Variants in KCNQ1 observed in about 807,000 individuals in gnomAD.
KCNQ1 encodes potassium voltage-gated channel subfamily KQT member 1.
A neutral mutation model predicts 72.4 loss-of-function variants in KCNQ1; 49 were observed. The observed-to-expected ratio is 0.68, with a 90% CI of 0.54 to 0.86. The LOEUF is 0.86. Among genes scored for constraint, KCNQ1 ranks in the 40% least tolerant of loss-of-function variants. KCNQ1 has a pLI of 0.00. For synonymous variants in KCNQ1, 450 were observed against 412.6 expected (o/e 1.09, Z -1.10); for missense variants, 790 against 945.1 (o/e 0.84, Z 2.15).
At position 2,662,061 on chromosome 11, in the gene KCNQ1, A is replaced by G. The variant is rs2133856204; in HGVS notation, c.1494A>G (p.Thr498=). 7 of 1,614,168 alleles carry G rather than the reference A, an allele frequency of 4.3e-6. No homozygotes were observed. The highest frequency in any genetic ancestry group is 2.2e-5 in the East Asian group (1 of 44,874). ...DLDLEGETLL[T]PITHISQLRE... ...ACCTGGAAGGGGAGACTCTGCTGAC[A>G]CCCATCACCCACATCTCACAGTGAG... Residue 498 remains threonine (T), a synonymous_variant, in exon 11 of 16, where the codon ACA becomes ACG. Coordinates refer to ENST00000155840, the MANE Select transcript of KCNQ1 (RefSeq NM_000218.3).
At chr11:2,511,866 G>A (rs1010248647) in intron 1 of KCNQ1, among the ~76,000 whole-genome samples, 20 of 152,316 alleles carry the variant, frequency 1.3e-4, no homozygotes, top group African/African-American at 4.6e-4. Flanking sequence ...TGTGGAGCCC[G>A]GCCTGGCCTG....
At chr11:2,584,517 G>A (rs1437305337) in intron 7 of KCNQ1, among the ~76,000 whole-genome samples, 5 of 144,744 alleles carry the variant, frequency 3.5e-5, no homozygotes, top group African/African-American at 1.3e-4. Flanking sequence ...GTGTGTGTTT[G>A]TGTGTTAGTG....
In KCNQ1 at chr11:2,449,488, G is replaced by A. The variant is rs563105814; in HGVS notation, c.386+4004G>A. Among the ~76,000 whole-genome samples the A allele has an allele frequency of 8.5e-5, 13 of 152,326 alleles. 1 individual carries two copies. The South Asian group carries it at 1.4e-3, about 17-fold the overall frequency. ...GGGATGCTTTTGGGCCGGCCAGTGC[G>A]GGGTCAGGTGGTTGGAGCCAGGGAG... is the stretch of plus-strand genomic sequence containing the variant. On this transcript the variant is annotated intron_variant, in intron 1 of 15. Coordinates refer to ENST00000155840, the MANE Select transcript of KCNQ1 (RefSeq NM_000218.3).
chr11:2,498,178 C>T lies in KCNQ1; in HGVS notation c.387-29750C>T, dbSNP rs2133638669. Among the ~76,000 whole-genome samples, 1 of 152,314 alleles carries T rather than the reference C, an allele frequency of 6.6e-6. No individual in the cohort carries two copies. The highest frequency in any genetic ancestry group is 2.1e-4 in the South Asian group (1 of 4,824). On this transcript the variant is annotated intron_variant, in intron 1 of 15. Coordinates refer to ENST00000155840, the MANE Select transcript of KCNQ1 (RefSeq NM_000218.3). The surrounding 1 kb of genome is among the most constrained non-coding windows in gnomAD (Gnocchi z 4.8). ...GGACCCACTTGAGGAGGCAGTCTGTCCCTTAGCAGAGCTCATGCACTGTGC... is the reference window on the plus strand; with the variant it reads ...GGACCCACTTGAGGAGGCAGTCTGTTCCTTAGCAGAGCTCATGCACTGTGC...
chr11:2,666,822 G>A lies in KCNQ1; in HGVS notation c.1514+4741G>A, dbSNP rs1850079618. On this transcript the variant is annotated intron_variant, in intron 11 of 15. Coordinates refer to ENST00000155840, the MANE Select transcript of KCNQ1 (RefSeq NM_000218.3). The stretch of plus-strand genomic sequence containing the variant: ...AACTTTGGTGGGAAAGGACAGAAAG[G>A]ACATTCTGGGAACCAGTGTCCAGAA... 7.5e-6 allele frequency: 3 copies of A among 398,684 alleles called. No individual in the cohort carries two copies. The East Asian group carries it at 1.1e-4, about 14-fold the overall frequency. 24.7% of individuals were successfully genotyped at this position (398,684 alleles called of 1,614,324 possible).
At chr11:2,688,937 G>A in intron 11 of KCNQ1, 1 of 398,858 alleles carries the variant, frequency 2.5e-6, no homozygotes, top group Admixed American at 4.4e-5. Flanking sequence ...CTCACAGGCT[G>A]TCACCCACTG....
Position 2,481,970 on chromosome 11 carries a change from G to C in KCNQ1, c.386+36486G>C, listed in dbSNP as rs539006615. 9.7e-4 allele frequency among the ~76,000 whole-genome samples: 147 copies of C among 152,312 alleles called. No homozygotes were observed. Among genetic ancestry groups the C allele is most frequent in the African/African-American group, 3.5e-3 (144 of 41,568 alleles). On this transcript the variant is annotated intron_variant, in intron 1 of 15. Transcript: ENST00000155840. The surrounding 1 kb of genome is among the most constrained non-coding windows in gnomAD (Gnocchi z 4.6). ...CACACCACTGGTCTGTGGAAAAACT[G>C]TTTTCCATGAAACCAGTCACTGGTC...
intron 10 of KCNQ1, chr11:2,656,269 C>T: frequency 2.5e-6 from 1 of 398,660 alleles, no homozygotes. Context: ...GTACTTGAAT[C>T]TCAGCCCCAA....
intron 15 of KCNQ1, among the ~76,000 whole-genome samples, chr11:2,807,395 C>T (rs1001105578): frequency 6.6e-6 from 1 of 152,202 alleles, no homozygotes; most frequent in East Asian, 1.9e-4. Flanking sequence ...GGAGGGGACC[C>T]TCCATGGAGA....
rs1302971876 is a variant in KCNQ1, at chr11:2,507,019, C to A, written c.387-20909C>A. On this transcript the variant is annotated intron_variant, in intron 1 of 15. Coordinates refer to ENST00000155840, the MANE Select transcript of KCNQ1 (RefSeq NM_000218.3). This position sits in a 1 kb window ranked among gnomAD's most constrained non-coding sequence, Gnocchi z 5.4. Reference sequence around the variant, plus strand: ...AGCTGGTCACTTGTCTTTGACTTTGCTTATGGTGCTTTTTGCTATGAGAAA... The same window carrying A: ...AGCTGGTCACTTGTCTTTGACTTTGATTATGGTGCTTTTTGCTATGAGAAA... Among the ~76,000 whole-genome samples, 5 of 152,118 alleles carry A rather than the reference C, an allele frequency of 3.3e-5. No homozygotes were observed. The highest frequency in any genetic ancestry group is 3.3e-4 in the Admixed American group (5 of 15,276).
rs1023440958 is a variant in KCNQ1 at position 2,687,566 on chromosome 11, AC to A, written c.1514+25490del. ...GCACCTACCACAGCCCACTCTGATG[AC>A]CCCCTGTCAAGGAGGTGTGACTGAG... On this transcript the variant is annotated intron_variant, in intron 11 of 15. Coordinates refer to ENST00000155840, the MANE Select transcript of KCNQ1 (RefSeq NM_000218.3). The surrounding 1 kb of genome is among the most constrained non-coding windows in gnomAD (Gnocchi z 5.0). 20 of 398,318 alleles carry A rather than the reference AC, an allele frequency of 5.0e-5. No homozygotes were observed. The highest frequency in any genetic ancestry group is 3.7e-4 in the African/African-American group (18 of 48,574). The allele number at this position is 398,318 out of a possible 1,614,324, so 24.7% of individuals were successfully genotyped here.
chr11:2,550,784 G>A lies in KCNQ1; in HGVS notation c.478-19844G>A, dbSNP rs889707255. 7.9e-5 allele frequency among the ~76,000 whole-genome samples: 12 copies of A among 152,182 alleles called. No individual in the cohort carries two copies. Among genetic ancestry groups the A allele is most frequent in the South Asian group, 6.2e-4 (3 of 4,812 alleles). The stretch of plus-strand genomic sequence containing the variant: ...AGAGCGCAAATAGGGCTGGAGTCCC[G>A]AGTACAAGGCATGGACAGGAGCCAG... On this transcript the variant is annotated intron_variant, in intron 2 of 15. Coordinates refer to ENST00000155840, the MANE Select transcript of KCNQ1 (RefSeq NM_000218.3). This position sits in a 1 kb window ranked among gnomAD's most constrained non-coding sequence, Gnocchi z 6.0.
intron 10 of KCNQ1, among the ~76,000 whole-genome samples, chr11:2,591,570 G>A (rs964841054): frequency 9.8e-5 from 15 of 152,354 alleles, no homozygotes; most frequent in African/African-American, 3.1e-4. Context: ...GGGCGTGGCC[G>A]GGGGCTGGGG....
At position 2,690,890 on chromosome 11, in the gene KCNQ1, G is replaced by T. The variant is rs112187347; in HGVS notation, c.1514+28809G>T. The T allele has an allele frequency of 2.5e-6, 1 of 398,458 alleles. No homozygotes were observed. The highest frequency in any genetic ancestry group is 2.1e-5 in the African/African-American group (1 of 48,586). The allele number at this position is 398,458 out of a possible 1,614,324, so 24.7% of individuals were successfully genotyped here. The stretch of plus-strand genomic sequence containing the variant: ...CACAGGAGTGTAAGCCACTGTTTCC[G>T]TCTGGGTTTTGTCATGTGTAGGTCC... On this transcript the variant is annotated intron_variant, in intron 11 of 15. Coordinates refer to ENST00000155840, the MANE Select transcript of KCNQ1 (RefSeq NM_000218.3). The surrounding 1 kb of genome is among the most constrained non-coding windows in gnomAD (Gnocchi z 5.1).
rs558892058 is a variant in KCNQ1 at position 2,698,252 on chromosome 11, A to G, written c.1514+36171A>G. ...TGGATATTATCAGGAAAGTTTTTAT[A>G]CTTTGTGATAATCTAAGACAGAACT... On this transcript the variant is annotated intron_variant, in intron 11 of 15. Transcript: ENST00000155840. The surrounding 1 kb of genome is among the most constrained non-coding windows in gnomAD (Gnocchi z 5.1). The G allele has an allele frequency of 3.8e-5, 15 of 398,648 alleles. No individual in the cohort carries two copies. The highest frequency in any genetic ancestry group is 2.5e-4 in the African/African-American group (12 of 48,752). 24.7% of individuals were successfully genotyped at this position (398,648 alleles called of 1,614,324 possible). A position where few individuals can be genotyped will look rare whatever the true frequency, so the allele number is the denominator to read the frequency against.
Position 2,724,980 on chromosome 11 carries a change from A to G in KCNQ1, c.1515-43864A>G, listed in dbSNP as rs938335918. Reference sequence around the variant, plus strand: ...TGGTGTGGCTATCAGGAGCCACTGGATTGGAACTTGGTGTGCCACCAGGGT... The same window carrying G: ...TGGTGTGGCTATCAGGAGCCACTGGGTTGGAACTTGGTGTGCCACCAGGGT... On this transcript the variant is annotated intron_variant, in intron 11 of 15. Transcript: ENST00000155840. This position sits in a 1 kb window ranked among gnomAD's most constrained non-coding sequence, Gnocchi z 6.8. Among the ~76,000 whole-genome samples the G allele has an allele frequency of 6.6e-6, 1 of 152,190 alleles. No individual in the cohort carries two copies. Among genetic ancestry groups the G allele is most frequent in the African/African-American group, 2.4e-5 (1 of 41,452 alleles).
At chr11:2,791,837 C>A (rs983117110) in intron 15 of KCNQ1, among the ~76,000 whole-genome samples, 5 of 152,188 alleles carry the variant, frequency 3.3e-5, no homozygotes, top group Non-Finnish European at 7.4e-5. Context: ...GCTCCGAGCC[C>A]GCAGGTGGGG....
Position 2,827,676 on chromosome 11 carries a change from G to A in KCNQ1, c.1795-20091G>A, listed in dbSNP as rs1847867442. Among the ~76,000 whole-genome samples, 1 of 152,086 alleles carries A rather than the reference G, an allele frequency of 6.6e-6. No individual in the cohort carries two copies. Among genetic ancestry groups the A allele is most frequent in the African/African-American group, 2.4e-5 (1 of 41,412 alleles). ...GGGGAGAGCGGCTATGGAGACAAGT[G>A]GCTGTTTTGCCAGAGGGAAAATTCC... is the stretch of plus-strand genomic sequence containing the variant. On this transcript the variant is annotated intron_variant, in intron 15 of 15. Transcript: ENST00000155840. This position sits in a 1 kb window ranked among gnomAD's most constrained non-coding sequence, Gnocchi z 6.7.
intron 12 of KCNQ1, among the ~76,000 whole-genome samples, chr11:2,775,069 C>A (rs1846667284): frequency 6.6e-6 from 1 of 152,238 alleles, no homozygotes; most frequent in Non-Finnish European, 1.5e-5. Context: ...CACCCGGTCA[C>A]CCAGTGGCCT....
Sources: gnomAD v4.1 joint callset for allele counts (sites outside exome capture counted in the v4.1 genomes callset) on GRCh38, gnomAD v4.1.1 for gene constraint, Gnocchi (gnomAD v3.1) non-coding constraint, MANE v1.5 for transcripts, NCBI Gene and HGNC (gene_info 2026-07-23, HGNC 2026-07-21) for gene names.